Variants in MYH15 observed in about 807,000 individuals in gnomAD.
The protein encoded by MYH15 is myosin heavy chain 15, also known as myosin-15.
A neutral mutation model predicts 240.5 loss-of-function variants in MYH15; 227 were observed. The ratio of observed to expected loss-of-function variants is 0.94; its 90% CI spans 0.85 to 1.05. MYH15 has a LOEUF of 1.05. Ranked by LOEUF, MYH15 falls within the 50% of genes least tolerant of loss-of-function variation. MYH15 has a pLI of 0.00. For missense variants in MYH15, 2,217 were observed against 2,247.5 expected (o/e 0.99, Z 0.27); for synonymous variants, 785 against 796.7 (o/e 0.99, Z 0.25).
At chr3:108,492,477 A>G (rs777425013) in intron 9 of MYH15, 23 bp downstream of exon 9, 1 of 1,536,108 alleles carries the variant, frequency 6.5e-7, no homozygotes, top group Non-Finnish European at 9.0e-7. Flanking sequence ...GAATAACCCT[A>G]AGCTCCAGAA....
In MYH15 at chr3:108,510,562, C is replaced by T; in HGVS notation, c.-32G>A. On this transcript the variant is annotated 5_prime_UTR_variant, in exon 1 of 41. Transcript: ENST00000693548. Reference sequence around the variant, plus strand: ...TAAAGCAATCCACCAAAAAAAGGCCCTAAACGTGAGTAGGCAAGATTCAAC... The same window carrying T: ...TAAAGCAATCCACCAAAAAAAGGCCTTAAACGTGAGTAGGCAAGATTCAAC... 6.2e-7 allele frequency: 1 copy of T among 1,610,716 alleles called. No homozygotes were observed. The highest frequency in any genetic ancestry group is 1.3e-5 in the African/African-American group (1 of 74,576).
chr3:108,444,705 C>T lies in MYH15; in HGVS notation c.2590G>A (p.Glu864Lys), dbSNP rs759901067. The T allele has an allele frequency of 3.7e-6, 6 of 1,613,998 alleles. No homozygotes were observed. The South Asian group carries it at 6.6e-5, about 18-fold the overall frequency. ...AGGGATACTTGCTTTGCTTTCAGTT[C>T]CTCCCTCTGAAACTCTGATTTCTCC... ...ALEKSEFQREELKAKQVSLTQ... is the reference protein window; with the variant it reads ...ALEKSEFQREKLKAKQVSLTQ... The change falls in exon 22 of 41, where the codon GAA (glutamate) becomes AAA (lysine). Residue 864 changes from glutamate to lysine, a missense_variant. By Grantham distance (56) the Glu-to-Lys change is moderately conservative. Coordinates refer to ENST00000693548, the MANE Select transcript of MYH15 (RefSeq NM_014981.3).
chr3:108,515,232 C>T (rs1046312481), upstream of MYH15, among the ~76,000 whole-genome samples: 2 of 152,180 alleles, frequency 1.3e-5, no homozygotes, highest in Non-Finnish European at 2.9e-5. Flanking sequence ...TTAGATGCCA[C>T]TCTCCATCTG....
At chr3:108,383,565 A>C (rs2107530877) in intron 40 of MYH15, 30 bp downstream of exon 40, 4 of 1,608,274 alleles carry the variant, frequency 2.5e-6, no homozygotes, top group Non-Finnish European at 3.4e-6. Context: ...ATGATTAAAG[A>C]GTTAGAACAG....
chr3:108,390,116 G>A (rs1408407398), intron 37 of MYH15, among the ~76,000 whole-genome samples: 4 of 152,102 alleles, frequency 2.6e-5, no homozygotes, highest in Non-Finnish European at 5.9e-5. Context: ...GCTCTTACAG[G>A]CCCCTCTACT....
intron 31 of MYH15, 24 bp from the exon 32 acceptor site, chr3:108,408,428 AAAGT>A: frequency 6.3e-7 from 1 of 1,594,812 alleles, no homozygotes; most frequent in Non-Finnish European, 8.5e-7. Context: ...TAAGAAAAAC[AAAGT>A]TAGTGAATGG....
At position 108,441,036 on chromosome 3, in the gene MYH15, C is replaced by T; in HGVS notation, c.2880G>A (p.Lys960=). The T allele has an allele frequency of 1.2e-6, 2 of 1,614,164 alleles. No homozygotes were observed. Among genetic ancestry groups the T allele is most frequent in the Non-Finnish European group, 1.7e-6 (2 of 1,179,992 alleles). The change falls in exon 23 of 41, where the codon AAG becomes AAA. Residue 960 remains lysine (K), a synonymous_variant. Transcript: ENST00000693548. ...ETMLVKSEKE[K]RTTEHKVKNL... is the part of the protein sequence containing the mutation. ...AAAGTACCTTGTGCTCTGTAGTACG[C>T]TTCTCCTTCTCTGACTTCACCAACA...
At chr3:108,449,643 T>C (rs912552309) in intron 21 of MYH15, among the ~76,000 whole-genome samples, 2 of 151,828 alleles carry the variant, frequency 1.3e-5, no homozygotes, top group African/African-American at 4.8e-5. Flanking sequence ...AGAAGAACAC[T>C]TGGGGAAAAA....
chr3:108,389,073 A>T lies in MYH15; in HGVS notation c.5432T>A (p.Val1811Asp), dbSNP rs1370216187. 3.7e-6 allele frequency: 6 copies of T among 1,613,678 alleles called. No individual in the cohort carries two copies. The highest frequency in any genetic ancestry group is 5.1e-6 in the Non-Finnish European group (6 of 1,179,822). Reference protein sequence around the residue: ...RKQIQKLESRVRELEGELEGE... With the variant: ...RKQIQKLESRDRELEGELEGE... ...CTCCAGTTCACCTTCCAGTTCACGAACCTGCAACCAAAACGTGACCTCAGA... is the reference window on the plus strand; with the variant it reads ...CTCCAGTTCACCTTCCAGTTCACGATCCTGCAACCAAAACGTGACCTCAGA... The change falls in exon 38 of 41, where the codon GTT becomes GAT. Residue 1811 changes from valine to aspartate, a missense_variant and splice_region_variant. Coordinates refer to ENST00000693548, the MANE Select transcript of MYH15 (RefSeq NM_014981.3).
upstream of MYH15, among the ~76,000 whole-genome samples, chr3:108,511,976 TG>T (rs1553689049): frequency 3.3e-5 from 5 of 152,172 alleles, no homozygotes; most frequent in Non-Finnish European, 7.3e-5. Flanking sequence ...ATGTGACTTG[TG>T]GGAAATCACT....
intron 26 of MYH15, among the ~76,000 whole-genome samples, 189 bp downstream of exon 26, chr3:108,430,643 A>C (rs1190377812): frequency 6.6e-6 from 1 of 152,212 alleles, no homozygotes; most frequent in African/African-American, 2.4e-5. Context: ...TATTATTCTC[A>C]TAAGGAAATT....
intron 6 of MYH15, among the ~76,000 whole-genome samples, chr3:108,497,200 C>T (rs1222514246): frequency 7.2e-6 from 1 of 138,970 alleles, no homozygotes; most frequent in Non-Finnish European, 1.6e-5. Context: ...CTCAATGATA[C>T]CCAAAGAAAT....
chr3:108,508,112 T>C (rs564899965), intron 1 of MYH15, among the ~76,000 whole-genome samples: 24 of 152,214 alleles, frequency 1.6e-4, no homozygotes, highest in African/African-American at 5.3e-4. Context: ...AATGAGATCA[T>C]CCACCTCCTG....
rs62268022 is a variant in MYH15, at chr3:108,438,459, C to T, written c.3076-760G>A. ...AATGGAAGATATCCTCTGTAACCAG[C>T]CAAAGAGATGAAATTCAAATTGGGA... is the stretch of plus-strand genomic sequence containing the variant. On this transcript the variant is annotated intron_variant, in intron 24 of 40. Transcript: ENST00000693548. 9.6e-3 allele frequency among the ~76,000 whole-genome samples: 1,456 copies of T among 152,204 alleles called. 9 individuals are homozygous for T. The highest frequency in any genetic ancestry group is 0.014 in the Non-Finnish European group (952 of 68,010).
chr3:108,533,117 GCT>G (rs2083722439), upstream of MYH15, among the ~76,000 whole-genome samples: 1 of 81,516 alleles, frequency 1.2e-5, no homozygotes, highest in Non-Finnish European at 2.5e-5. Context: ...AACAATAAAA[GCT>G]TTTTTTTTTT....
chr3:108,471,067 G>GGGAGGAAGAGAA (rs2083170968), intron 12 of MYH15, among the ~76,000 whole-genome samples: 1 of 143,034 alleles, frequency 7.0e-6, no homozygotes, highest in Non-Finnish European at 1.5e-5. Flanking sequence ...AAGGAAGGGA[G>GGGAGGAAGAGAA]GGAGGGAGGA....
intron 31 of MYH15, 90 bp downstream of exon 31, chr3:108,410,493 T>A: frequency 1.2e-6 from 1 of 861,502 alleles, no homozygotes; most frequent in African/African-American, 1.7e-5. Flanking sequence ...ATGTTGGGAA[T>A]GTGAAAATGC....
At chr3:108,457,507 G>A (rs1045883527) in intron 18 of MYH15, among the ~76,000 whole-genome samples, 1 of 151,942 alleles carries the variant, frequency 6.6e-6, no homozygotes. Flanking sequence ...CAGCTGCAAC[G>A]TCCAATAGAA....
chr3:108,480,865 C>T (rs1268536974), intron 11 of MYH15, among the ~76,000 whole-genome samples: 2 of 152,092 alleles, frequency 1.3e-5, no homozygotes, highest in African/African-American at 2.4e-5. Context: ...CTAAGATGCC[C>T]CTTTGGGTTT....
Sources: allele counts gnomAD v4.1 joint callset (sites outside exome capture counted in the v4.1 genomes callset), GRCh38; gene constraint gnomAD v4.1.1; transcripts MANE v1.5; gene names NCBI Gene and HGNC (gene_info 2026-07-23, HGNC 2026-07-21).